PLEKHM3: variants seen among roughly 807,000 people sequenced by gnomAD.
PLEKHM3 encodes pleckstrin homology domain containing M3, also known as pleckstrin homology domain-containing family M member 3.
In PLEKHM3, 45 loss-of-function variants were observed where a neutral mutation model predicts 81.8. The ratio of observed to expected loss-of-function variants is 0.55; its 90% CI spans 0.43 to 0.71. The LOEUF (loss-of-function observed/expected upper bound fraction) is 0.71, where lower values mean the gene tolerates loss of function less well. PLEKHM3 is among the 30% of genes least tolerant of loss of function. PLEKHM3 has a pLI of 0.00. For synonymous variants in PLEKHM3, 352 were observed against 356.4 expected (o/e 0.99, Z 0.14); for missense variants, 788 against 924.3 (o/e 0.85, Z 1.91).
chr2:207,846,059 C>T (rs1375123315), intron 7 of PLEKHM3, among the ~76,000 whole-genome samples: 1 of 152,160 alleles, frequency 6.6e-6, no homozygotes, highest in East Asian at 1.9e-4. Flanking sequence ...TATGAAGGTC[C>T]AGCAGAGTGG....
intron 5 of PLEKHM3, among the ~76,000 whole-genome samples, chr2:207,913,498 G>A (rs542667976): frequency 2.0e-5 from 3 of 152,268 alleles, no homozygotes; most frequent in African/African-American, 7.2e-5. Flanking sequence ...TGGCATCAAA[G>A]GTAGTGGAGA....
At chr2:208,016,672 C>CACACACACACACACAT in intron 1 of PLEKHM3, among the ~76,000 whole-genome samples, 1 of 139,110 alleles carries the variant, frequency 7.2e-6, no homozygotes, top group South Asian at 2.3e-4. Context: ...AAAAAAAATA[C>CACACACACACACACAT]ACACACACAC....
chr2:207,840,612 T>C (rs1162682406), intron 7 of PLEKHM3, among the ~76,000 whole-genome samples: 1 of 152,192 alleles, frequency 6.6e-6, no homozygotes, highest in African/African-American at 2.4e-5. Flanking sequence ...TTTTTGGCCA[T>C]TTGCATATTC....
At chr2:207,870,856 C>T (rs2092530057) in intron 6 of PLEKHM3, among the ~76,000 whole-genome samples, 1 of 152,098 alleles carries the variant, frequency 6.6e-6, no homozygotes, top group Admixed American at 6.5e-5. Context: ...GCCTGTAATC[C>T]CAGCACTTTC....
chr2:207,994,421 G>A (rs1372355230), intron 2 of PLEKHM3, among the ~76,000 whole-genome samples: 2 of 152,116 alleles, frequency 1.3e-5, no homozygotes, highest in African/African-American at 4.8e-5. Context: ...AGGGAAAAGG[G>A]TTTAGTACAG....
chr2:207,962,906 G>A (rs963113082), intron 3 of PLEKHM3, among the ~76,000 whole-genome samples: 3 of 142,680 alleles, frequency 2.1e-5, no homozygotes, highest in African/African-American at 7.7e-5. Flanking sequence ...GGCTCTAAGA[G>A]GTCCTATAGT....
At chr2:207,858,622 A>G (rs1193366543) in intron 7 of PLEKHM3, among the ~76,000 whole-genome samples, 1 of 151,924 alleles carries the variant, frequency 6.6e-6, no homozygotes, top group Non-Finnish European at 1.5e-5. Flanking sequence ...CTGGGATTAC[A>G]GGAATTTGCC....
chr2:208,024,517 T>C (rs1167508865), intron 1 of PLEKHM3, among the ~76,000 whole-genome samples: 2 of 152,242 alleles, frequency 1.3e-5, no homozygotes, highest in Non-Finnish European at 2.9e-5. Context: ...AGACTAGATA[T>C]ATAGCCCAGC....
chr2:208,015,671 G>A (rs1424247840), intron 1 of PLEKHM3, among the ~76,000 whole-genome samples: 2 of 152,184 alleles, frequency 1.3e-5, no homozygotes, highest in Non-Finnish European at 2.9e-5. Flanking sequence ...TCATTTAGGT[G>A]AAACAAGTGC....
At chr2:207,842,077 A>G (rs769203816) in intron 7 of PLEKHM3, among the ~76,000 whole-genome samples, 4 of 152,172 alleles carry the variant, frequency 2.6e-5, no homozygotes, top group Non-Finnish European at 5.9e-5. Flanking sequence ...AGCTGGGACT[A>G]TAGGCGCACG....
At chr2:208,013,177 CA>C (rs1465516469) in intron 1 of PLEKHM3, among the ~76,000 whole-genome samples, 1 of 152,130 alleles carries the variant, frequency 6.6e-6, no homozygotes, top group Non-Finnish European at 1.5e-5. Context: ...AAATCAAAAA[CA>C]AAGGAAACAA....
intron 4 of PLEKHM3, among the ~76,000 whole-genome samples, chr2:207,938,622 T>C (rs1190471629): frequency 6.6e-6 from 1 of 152,184 alleles, no homozygotes; most frequent in Non-Finnish European, 1.5e-5. Flanking sequence ...AAATGGAATA[T>C]AGTTACTTAA....
chr2:207,997,516 G>A (rs555890525), intron 2 of PLEKHM3, among the ~76,000 whole-genome samples: 1 of 152,308 alleles, frequency 6.6e-6, no homozygotes, highest in South Asian at 2.1e-4. Context: ...ACATAACCAT[G>A]CAGTAATAAC....
At chr2:207,931,281 C>T (rs1024665130) in intron 4 of PLEKHM3, among the ~76,000 whole-genome samples, 162 bp from the exon 5 acceptor site, 3 of 152,238 alleles carry the variant, frequency 2.0e-5, no homozygotes, top group Non-Finnish European at 4.4e-5. Flanking sequence ...TTTGACTTCT[C>T]TCTCTTCCAG....
At chr2:207,837,168 T>G (rs1322957584) in intron 7 of PLEKHM3, among the ~76,000 whole-genome samples, 1 of 152,214 alleles carries the variant, frequency 6.6e-6, no homozygotes, top group Non-Finnish European at 1.5e-5. Context: ...AGCAAACAAT[T>G]TGTAATTTGC....
chr2:208,024,686 C>T (rs1405362625), intron 1 of PLEKHM3, among the ~76,000 whole-genome samples: 2 of 152,158 alleles, frequency 1.3e-5, no homozygotes, highest in Non-Finnish European at 2.9e-5. Flanking sequence ...AAAAATTCAG[C>T]TGTTTCTCTC....
chr2:207,889,709 C>T (rs945940459), intron 6 of PLEKHM3, among the ~76,000 whole-genome samples: 2 of 152,094 alleles, frequency 1.3e-5, no homozygotes, highest in African/African-American at 2.4e-5. Flanking sequence ...GGGCAGTCAG[C>T]TCTCTCCTTT....
rs1292885240 is a variant in PLEKHM3, at chr2:207,997,964, T to C, written c.610+3066A>G. 2.0e-5 allele frequency among the ~76,000 whole-genome samples: 3 copies of C among 152,194 alleles called. No homozygotes were observed. In the East Asian group the frequency reaches 5.8e-4, roughly 29 times the overall value. On this transcript the variant is annotated intron_variant, in intron 2 of 7. Coordinates refer to ENST00000427836, the MANE Select transcript of PLEKHM3 (RefSeq NM_001080475.3). ...AGAGATCTTGGCTGATTTTGACTAG[T>C]TGGCACCTGGATATTGGCACACCCC...
chr2:207,913,624 G>T (rs1347597045), intron 5 of PLEKHM3, among the ~76,000 whole-genome samples: 2 of 152,152 alleles, frequency 1.3e-5, no homozygotes, highest in African/African-American at 4.8e-5. Context: ...AAAGACTGGA[G>T]AGGGGTGAGG....
Sources: gnomAD v4.1 joint callset for allele counts (sites outside exome capture counted in the v4.1 genomes callset) on GRCh38, gnomAD v4.1.1 for gene constraint, MANE v1.5 for transcripts, NCBI Gene and HGNC (gene_info 2026-07-23, HGNC 2026-07-21) for gene names.